The following TMEM223 variants were observed in gnomAD, a reference collection of about 807,000 sequenced individuals.
The protein encoded by TMEM223 is transmembrane protein 223.
A neutral mutation model predicts 14.1 loss-of-function variants in TMEM223; 14 were observed. That is an observed-to-expected ratio of 0.99 (90% CI 0.66 to 1.55). The LOEUF is 1.55. TMEM223 is among the 40% of genes most tolerant of loss of function. TMEM223 has a pLI of 0.00. For synonymous variants in TMEM223, 145 were observed against 120.5 expected, an observed-to-expected ratio of 1.20 and a Z score of -1.33; for missense variants, 346 against 269.9, an observed-to-expected ratio of 1.28 and a Z score of -1.97.
At chr11:62,778,311 G>A in intron 1 of TMEM223, 1 of 1,614,180 alleles carries the variant, frequency 6.2e-7, no homozygotes, top group Non-Finnish European at 8.5e-7. Flanking sequence ...GGATGGCAAA[G>A]GGAACCTGGC....
At position 62,790,513 on chromosome 11, in the gene TMEM223, C is replaced by T; in HGVS notation, c.*110G>A. 2.9e-6 allele frequency: 3 copies of T among 1,052,506 alleles called. No individual in the cohort carries two copies. Among genetic ancestry groups the T allele is most frequent in the South Asian group, 3.3e-5 (2 of 59,840 alleles). 65.2% of individuals were successfully genotyped at this position (1,052,506 alleles called of 1,614,324 possible). A position where few individuals can be genotyped will look rare whatever the true frequency, so the allele number is the denominator to read the frequency against. On this transcript the variant is annotated 3_prime_UTR_variant, in exon 2 of 2. Transcript: ENST00000307366. ...CTGGGCTCGAGCAGTGCTCCTGCCT[C>T]ACCCTCCCAAAGTGCTGGGATTACA...
At chr11:62,789,121 T>A, downstream of TMEM223, 1 of 1,614,208 alleles carries the variant, frequency 6.2e-7, no homozygotes, top group Non-Finnish European at 8.5e-7. Context: ...TGTGCTACTT[T>A]GTAGCTGGGG....
At chr11:62,779,970 A>ATTT (rs1263442687) in intron 1 of TMEM223, among the ~76,000 whole-genome samples, 6 of 64,416 alleles carry the variant, frequency 9.3e-5, no homozygotes, top group African/African-American at 2.3e-4. Context: ...ATATATATAT[A>ATTT]TATATATTTT....
intron 1 of TMEM223, among the ~76,000 whole-genome samples, chr11:62,779,129 TC>T (rs2134708875): frequency 6.6e-6 from 1 of 151,752 alleles, no homozygotes; most frequent in South Asian, 2.1e-4. Flanking sequence ...CAAGTGATTC[TC>T]CTGCCTCAGC....
At chr11:62,788,409 A>G (rs767744941), downstream of TMEM223, among the ~76,000 whole-genome samples, 4 of 148,368 alleles carry the variant, frequency 2.7e-5, no homozygotes, top group Non-Finnish European at 5.9e-5. Context: ...CGCAAAAACA[A>G]AAACAAAAAC....
intron 1 of TMEM223, among the ~76,000 whole-genome samples, chr11:62,775,239 T>C (rs1363148313): frequency 2.0e-5 from 3 of 152,138 alleles, no homozygotes; most frequent in Non-Finnish European, 4.4e-5. Context: ...AAAAGCTCTT[T>C]ATAAAACCAT....
intron 1 of TMEM223, chr11:62,782,458 G>A: frequency 8.8e-7 from 1 of 1,132,760 alleles, no homozygotes. Context: ...TTCCCTAGGA[G>A]CGTCCTAGCT....
intron 1 of TMEM223, among the ~76,000 whole-genome samples, chr11:62,780,102 T>C (rs540170531): frequency 4.7e-5 from 7 of 150,534 alleles, no homozygotes; most frequent in Non-Finnish European, 8.9e-5. Flanking sequence ...GCGGATCACT[T>C]GAAGTCAGGA....
chr11:62,790,979 A>C (rs757863183), intron 1 of TMEM223, 64 bp from the exon 2 acceptor site: 29 of 1,439,070 alleles, frequency 2.0e-5, no homozygotes, highest in Non-Finnish European at 4.6e-6. Context: ...CGACCTTTCC[A>C]GTGCCCTCTG....
At chr11:62,787,386 T>C (rs377640329), downstream of TMEM223, 15 of 1,552,812 alleles carry the variant, frequency 9.7e-6, no homozygotes, top group African/African-American at 1.8e-4. Context: ...AGGTGGGCTT[T>C]GGGCGGGGTG....
chr11:62,772,139 A>C, intron 2 of TMEM223: 2 of 456,298 alleles, frequency 4.4e-6, no homozygotes, highest in African/African-American at 2.0e-5. Flanking sequence ...TTGCCTGTGA[A>C]ATAGACGAAA....
chr11:62,776,278 G>A (rs1311717425), intron 1 of TMEM223: 13 of 1,110,958 alleles, frequency 1.2e-5, no homozygotes, highest in African/African-American at 1.5e-5. Flanking sequence ...ATCCCTAAGC[G>A]TGGTCTCCTG....
chr11:62,787,321 A>C, downstream of TMEM223: 2 of 1,525,444 alleles, frequency 1.3e-6, no homozygotes, highest in Non-Finnish European at 1.7e-6. Context: ...CGTTCCTTGT[A>C]AATAAATCCC....
At chr11:62,789,360 C>T (rs1286874202), downstream of TMEM223, 1 of 1,613,834 alleles carries the variant, frequency 6.2e-7, no homozygotes, top group African/African-American at 1.3e-5. Context: ...TTGGTGTCTG[C>T]CTGTATCCTT....
Position 62,790,243 on chromosome 11 carries a change from C to T in TMEM223, c.*380G>A. ...CAAAATATTATATTACTGTCTTCAT[C>T]TTAGTAGTGAGTTTTTGATGTTAAA... On this transcript the variant is annotated 3_prime_UTR_variant, in exon 2 of 2. Transcript: ENST00000307366. The T allele has an allele frequency of 1.6e-6, 1 of 627,190 alleles. No homozygotes were observed. The allele number at this position is 627,190 out of a possible 1,614,324, so 38.9% of individuals were successfully genotyped here.
intron 1 of TMEM223, chr11:62,778,818 G>C (rs775720667): frequency 6.6e-7 from 1 of 1,522,774 alleles, no homozygotes; most frequent in South Asian, 1.1e-5. Context: ...GGAGAGGCCA[G>C]GAGAGGGCCA....
At chr11:62,783,535 C>CTT (rs1342686734), downstream of TMEM223, among the ~76,000 whole-genome samples, 6 of 133,902 alleles carry the variant, frequency 4.5e-5, no homozygotes, top group Admixed American at 7.5e-5. Context: ...GAGGGAGGAT[C>CTT]TTTTTTTTTT....
chr11:62,790,355 A>AGGTACTGTTAGGCAG lies in TMEM223; in HGVS notation c.*267_*268insCTGCCTAACAGTACC, dbSNP rs2084345696. The AGGTACTGTTAGGCAG allele has an allele frequency of 5.5e-6, 3 of 545,370 alleles. No individual in the cohort carries two copies. In the African/African-American group the frequency reaches 5.7e-5, roughly 10 times the overall value. The allele number at this position is 545,370 out of a possible 1,614,324, so 33.8% of individuals were successfully genotyped here. A position where few individuals can be genotyped will look rare whatever the true frequency, so the allele number is the denominator to read the frequency against. On this transcript the variant is annotated 3_prime_UTR_variant, in exon 2 of 2. Transcript: ENST00000307366. ...CTGTTAGGCAGCTGCCCTAGGGATGACTGCTCCTTTATTTGTTGTTAATGA... is the reference window on the plus strand; with the variant it reads ...CTGTTAGGCAGCTGCCCTAGGGATGAGGTACTGTTAGGCAGCTGCTCCTTTATTTGTTGTTAATGA...
At chr11:62,778,041 T>C in intron 1 of TMEM223, 2 of 1,614,154 alleles carry the variant, frequency 1.2e-6, no homozygotes, top group Non-Finnish European at 1.7e-6. Flanking sequence ...GGGTGAACTC[T>C]ACTTTCCTGA....
Sources: gnomAD v4.1 joint callset for allele counts (sites outside exome capture counted in the v4.1 genomes callset) on GRCh38, gnomAD v4.1.1 for gene constraint, MANE v1.5 for transcripts, NCBI Gene and HGNC (gene_info 2026-07-23, HGNC 2026-07-21) for gene names.